The following HKDC1 variants were observed in gnomAD, a reference collection of about 807,000 sequenced individuals.
The protein encoded by HKDC1 is hexokinase domain containing 1.
In HKDC1, 66 loss-of-function variants were observed where a neutral mutation model predicts 96.6. That is an observed-to-expected ratio of 0.68 (90% CI 0.56 to 0.84). The LOEUF (loss-of-function observed/expected upper bound fraction) is 0.84. Ranked by LOEUF, HKDC1 falls within the 40% of genes least tolerant of loss-of-function variation. The pLI is 0.00. For synonymous variants in HKDC1, 466 were observed against 473.1 expected (o/e 0.98, Z 0.20); for missense variants, 1,211 against 1,208.1 (o/e 1.00, Z -0.04).
intron 12 of HKDC1, among the ~76,000 whole-genome samples, chr10:69,251,042 G>A (rs953766597): frequency 1.7e-4 from 25 of 149,082 alleles, no homozygotes; most frequent in African/African-American, 4.4e-4. Context: ...GGTTTTTATC[G>A]TCTGATGAAA....
At chr10:69,228,488 G>T (rs1453312650) in intron 2 of HKDC1, among the ~76,000 whole-genome samples, 2 of 152,110 alleles carry the variant, frequency 1.3e-5, no homozygotes, top group Non-Finnish European at 2.9e-5. Flanking sequence ...TGCCTACAAT[G>T]GCCTAGAAAT....
At chr10:69,232,671 A>G (rs1290553639) in intron 2 of HKDC1, 93 bp from the exon 3 acceptor site, 2 of 1,163,396 alleles carry the variant, frequency 1.7e-6, no homozygotes, top group African/African-American at 3.0e-5. Context: ...CTGTGATTTG[A>G]AGACGTTGAT....
chr10:69,254,401 T>C (rs1404984329), intron 12 of HKDC1, among the ~76,000 whole-genome samples: 1 of 152,228 alleles, frequency 6.6e-6, no homozygotes, highest in Non-Finnish European at 1.5e-5. Context: ...AATGCACACT[T>C]CTATGACATG....
At chr10:69,223,578 A>ATTTTTTTTTTTTTTTTTTTTTTTTTTTT (rs60016100) in intron 1 of HKDC1, among the ~76,000 whole-genome samples, 2 of 85,580 alleles carry the variant, frequency 2.3e-5, no homozygotes, top group African/African-American at 4.8e-5. Context: ...CCACAATCTA[A>ATTTTTTTTTTTTTTTTTTTTTTTTTTTT]TTTTTTTTTT....
intron 1 of HKDC1, among the ~76,000 whole-genome samples, chr10:69,223,760 T>A (rs1014387846): frequency 2.7e-5 from 4 of 150,868 alleles, no homozygotes; most frequent in African/African-American, 9.7e-5. Flanking sequence ...AATTTTTGTA[T>A]TTTTAGTAGA....
chr10:69,232,457 C>CG, intron 2 of HKDC1: 1 of 315,920 alleles, frequency 3.2e-6, no homozygotes, highest in Non-Finnish European at 5.9e-6. Context: ...TCGAGGCCAC[C>CG]TCTCATACCA....
Position 69,245,570 on chromosome 10 carries a change from CAATAATAATAATAATAAT to C in HKDC1, c.876-487_876-470del, listed in dbSNP as rs10646729. Among the ~76,000 whole-genome samples, 8 of 139,386 alleles carry C rather than the reference CAATAATAATAATAATAAT, an allele frequency of 5.7e-5. No homozygotes were observed. In the South Asian group the frequency reaches 1.9e-3, roughly 34 times the overall value. The allele number at this position is 139,386 out of a possible 152,430, so 91.4% of individuals were successfully genotyped here. A position where few individuals can be genotyped will look rare whatever the true frequency, so the allele number is the denominator to read the frequency against. On this transcript the variant is annotated intron_variant, in intron 7 of 17. Transcript: ENST00000354624. ...GGGTGACAGAACGAGATCCTGTCTC[CAATAATAATAATAATAAT>C]AATAATAATAATAATAATAATGTTC...
chr10:69,223,299 A>G (rs2132327066), intron 1 of HKDC1: 1 of 152,066 alleles, frequency 6.6e-6, no homozygotes, highest in East Asian at 1.9e-4. Flanking sequence ...AATCTCAAAC[A>G]CTTTCATATT....
chr10:69,227,130 G>C, intron 1 of HKDC1, 77 bp from the exon 2 acceptor site: 1 of 1,506,330 alleles, frequency 6.6e-7, no homozygotes, highest in East Asian at 2.3e-5. Context: ...GCTTGCTGAG[G>C]GATGTCGGGG....
chr10:69,232,606 T>C, intron 2 of HKDC1, 158 bp from the exon 3 acceptor site: 1 of 702,608 alleles, frequency 1.4e-6, no homozygotes, highest in Admixed American at 2.7e-5. Context: ...TCGAGGGCTC[T>C]GAGAAATGGC....
At chr10:69,248,779 A>G (rs1394726863) in intron 10 of HKDC1, 51 bp downstream of exon 10, 6 of 1,491,520 alleles carry the variant, frequency 4.0e-6, no homozygotes, top group Non-Finnish European at 5.4e-6. Flanking sequence ...GCTCCCGTCA[A>G]AACTCCTTAA....
chr10:69,248,566 A>G lies in HKDC1; in HGVS notation c.1408A>G (p.Ile470Val), dbSNP rs753529321. Residue 470 changes from isoleucine to valine, a missense_variant, in exon 10 of 18, where the codon ATC (isoleucine) becomes GTC (valine). Physicochemically the swap from Ile to Val is conservative, Grantham distance 29 (BLOSUM62 3). Coordinates refer to ENST00000354624, the MANE Select transcript of HKDC1 (RefSeq NM_025130.4). ...CCGCGTGCAGGCCCAGCGGAAGCAG[A>G]TCGACAGGGTGCTGGCTTTGTTCCA... is the stretch of plus-strand genomic sequence containing the variant. ...ASRVQAQRKQ[I>V]DRVLALFQLT... 7 of 1,614,096 alleles carry G rather than the reference A, an allele frequency of 4.3e-6. No individual in the cohort carries two copies. The South Asian group carries it at 7.7e-5, about 18-fold the overall frequency.
At chr10:69,232,607 G>A (rs1843283968) in intron 2 of HKDC1, 157 bp from the exon 3 acceptor site, 1 of 706,676 alleles carries the variant, frequency 1.4e-6, no homozygotes, top group Non-Finnish European at 2.4e-6. Flanking sequence ...CGAGGGCTCT[G>A]AGAAATGGCC....
At position 69,220,433 on chromosome 10, in the gene HKDC1, A is replaced by G; in HGVS notation, c.-3A>G. On this transcript the variant is annotated 5_prime_UTR_variant, in exon 1 of 18. Coordinates refer to ENST00000354624, the MANE Select transcript of HKDC1 (RefSeq NM_025130.4). ...ATCTCAGGAGAAACCAAACTTGGGGAAAATGTTTGCGGTCCACTTGATGGC... is the reference window on the plus strand; with the variant it reads ...ATCTCAGGAGAAACCAAACTTGGGGGAAATGTTTGCGGTCCACTTGATGGC... 1 of 1,597,450 alleles carries G rather than the reference A, an allele frequency of 6.3e-7. No homozygotes were observed. Among genetic ancestry groups the G allele is most frequent in the Admixed American group, 1.7e-5 (1 of 57,436 alleles).
intron 1 of HKDC1, among the ~76,000 whole-genome samples, 161 bp from the exon 2 acceptor site, chr10:69,227,046 C>G (rs1843169628): frequency 6.6e-6 from 1 of 152,184 alleles, no homozygotes. Context: ...TCCCTGTCCT[C>G]TGCCTGAGGA....
intron 2 of HKDC1, 167 bp from the exon 3 acceptor site, chr10:69,232,597 C>T (rs1843283774): frequency 1.1e-5 from 7 of 661,802 alleles, no homozygotes; most frequent in Admixed American, 2.8e-5. Context: ...CGCCTTACCT[C>T]GAGGGCTCTG....
At chr10:69,244,090 G>A (rs1278410666) in intron 7 of HKDC1, among the ~76,000 whole-genome samples, 4 of 152,130 alleles carry the variant, frequency 2.6e-5, no homozygotes, top group African/African-American at 9.7e-5. Context: ...TAATCACTCA[G>A]CAAGTGGTGA....
chr10:69,256,771 G>T (rs75824809), intron 12 of HKDC1, among the ~76,000 whole-genome samples: 15 of 151,986 alleles, frequency 9.9e-5, no homozygotes, highest in African/African-American at 3.4e-4. Context: ...CCTTTATTCC[G>T]CGTAATCATG....
chr10:69,237,445 A>G (rs1843379999), intron 4 of HKDC1, among the ~76,000 whole-genome samples: 2 of 152,168 alleles, frequency 1.3e-5, no homozygotes, highest in African/African-American at 4.8e-5. Flanking sequence ...TATTCCCACC[A>G]CTAGAATTGT....
Sources: gnomAD v4.1 joint callset for allele counts (sites outside exome capture counted in the v4.1 genomes callset) on GRCh38, gnomAD v4.1.1 for gene constraint, MANE v1.5 for transcripts, NCBI Gene and HGNC (gene_info 2026-07-23, HGNC 2026-07-21) for gene names.